The following TDRD5 variants were observed in gnomAD, a reference collection of about 807,000 sequenced individuals.
The protein encoded by TDRD5 is tudor domain containing 5, also known as tudor domain-containing protein 5.
A neutral mutation model predicts 120.6 loss-of-function variants in TDRD5; 41 were observed. That is an observed-to-expected ratio of 0.34 (90% confidence interval 0.26 to 0.44). TDRD5 has a LOEUF of 0.44. Among genes scored for constraint, TDRD5 ranks in the 20% least tolerant of loss-of-function variants. The pLI is 1.00. For synonymous variants in TDRD5, 430 were observed against 433.7 expected (o/e 0.99, Z 0.11); for missense variants, 1,006 against 1,221.2 (o/e 0.82, Z 2.63).
At position 179,663,373 on chromosome 1, in the gene TDRD5, A is replaced by T. The variant is rs1270584115; in HGVS notation, c.2531A>T (p.Asp844Val). 6.2e-7 allele frequency: 1 copy of T among 1,613,256 alleles called. No individual in the cohort carries two copies. The highest frequency in any genetic ancestry group is 2.2e-5 in the East Asian group (1 of 44,840). The change falls in exon 16 of 18, where the codon GAT becomes GTT. Residue 844 changes from aspartate (D) to valine (V), a missense_variant. This residue lies in a region of TDRD5 where 403 missense variants were observed against 448.1 expected (regional missense o/e 0.90). Coordinates refer to ENST00000444136, the MANE Select transcript of TDRD5 (RefSeq NM_001199085.3). ...QKDWCFSTPK[D>V]TWDDSWQPSG... Reference sequence around the variant, plus strand: ...GACTGGTGTTTTTCTACCCCTAAAGATACATGGGATGATTCTTGGCAGCCT... The same window carrying T: ...GACTGGTGTTTTTCTACCCCTAAAGTTACATGGGATGATTCTTGGCAGCCT...
In TDRD5 at chr1:179,635,783, C is replaced by T. The variant is rs372492694; in HGVS notation, c.1416C>T (p.Leu472=). Residue 472 remains leucine, a synonymous_variant, in exon 9 of 18, where the codon CTC becomes CTT. Transcript: ENST00000444136. The part of the protein sequence containing the change: ...CRLPPLDTSS[L]IGVFVEYIIS... ...TCCCACCATTAGACACCAGTTCCCT[C>T]ATAGGGGTCTTTGTGGAGTATATCA... is the stretch of plus-strand genomic sequence containing the variant. 1 of 1,614,050 alleles carries T rather than the reference C, an allele frequency of 6.2e-7. No individual in the cohort carries two copies. Among genetic ancestry groups the T allele is most frequent in the Non-Finnish European group, 8.5e-7 (1 of 1,180,006 alleles).
At chr1:179,680,485 T>G (rs577877766) in intron 17 of TDRD5, among the ~76,000 whole-genome samples, 2 of 152,238 alleles carry the variant, frequency 1.3e-5, no homozygotes, top group African/African-American at 4.8e-5. Context: ...AGGGTTGTTA[T>G]GCTCTCTGGA....
intron 13 of TDRD5, among the ~76,000 whole-genome samples, chr1:179,653,721 C>T (rs1416632378): frequency 6.6e-6 from 1 of 152,182 alleles, no homozygotes; most frequent in East Asian, 1.9e-4. Context: ...CTATTCCACC[C>T]TAGTCTGTAC....
chr1:179,662,269 A>G lies in TDRD5; in HGVS notation c.2488A>G (p.Lys830Glu). 1 of 1,607,076 alleles carries G rather than the reference A, an allele frequency of 6.2e-7. No individual in the cohort carries two copies. The highest frequency in any genetic ancestry group is 1.3e-5 in the African/African-American group (1 of 74,472). ...LGGKNQYSSC[K>E]EMPQKDWCFS... ...TGGAAAGAATCAGTATTCATCATGT[A>G]AAGAAATGCCACAGAAGGTTAGATC... is the stretch of plus-strand genomic sequence containing the variant. The change falls in exon 15 of 18, where the codon AAA becomes GAA. Residue 830 changes from lysine to glutamate, a missense_variant. Lys to Glu is a moderately conservative substitution (Grantham distance 56, BLOSUM62 1). Transcript: ENST00000444136.
chr1:179,680,972 A>G (rs978506648), intron 17 of TDRD5, among the ~76,000 whole-genome samples: 1 of 152,264 alleles, frequency 6.6e-6, no homozygotes, highest in African/African-American at 2.4e-5. Context: ...CAAGCATATC[A>G]ATTGTCACCT....
chr1:179,628,324 CTT>C (rs71569258), intron 6 of TDRD5, among the ~76,000 whole-genome samples: 613 of 54,560 alleles, frequency 0.011, 16 homozygotes, highest in East Asian at 0.1. Flanking sequence ...CTTTTCTTTT[CTT>C]TTTTTTTTTT....
At position 179,650,954 on chromosome 1, in the gene TDRD5, G is replaced by A; in HGVS notation, c.1888G>A (p.Gly630Arg). The part of the protein sequence containing the change: ...LVGVVDEYVD[G>R]ILNIFLCDTS... ...GGGGGTAGTGGATGAATATGTAGAT[G>A]GAATCCTTAACATTTTTTTGTGTGA... The change falls in exon 12 of 18, where the codon GGA becomes AGA. Residue 630 changes from glycine to arginine, a missense_variant. Gly to Arg is a moderately radical substitution (Grantham distance 125). Around this residue, in one of 3 missense-constraint regions of TDRD5, gnomAD observed 158 missense variants for 257.5 expected, o/e 0.61. Transcript: ENST00000444136. 1 of 1,614,128 alleles carries A rather than the reference G, an allele frequency of 6.2e-7. No individual in the cohort carries two copies. Among genetic ancestry groups the A allele is most frequent in the East Asian group, 2.2e-5 (1 of 44,874 alleles).
chr1:179,632,729 A>C (rs1328724987), intron 7 of TDRD5, among the ~76,000 whole-genome samples: 1 of 152,154 alleles, frequency 6.6e-6, no homozygotes, highest in African/African-American at 2.4e-5. Flanking sequence ...ATAGCTAATT[A>C]CCACCTGTAT....
intron 15 of TDRD5, among the ~76,000 whole-genome samples, chr1:179,662,593 A>G (rs375363594): frequency 2.0e-5 from 3 of 152,116 alleles, no homozygotes; most frequent in African/African-American, 7.2e-5. Context: ...GTAAGACCCT[A>G]TCTAAAAAAA....
intron 7 of TDRD5, among the ~76,000 whole-genome samples, chr1:179,632,714 A>G (rs889424515): frequency 2.0e-5 from 3 of 152,148 alleles, no homozygotes; most frequent in Non-Finnish European, 4.4e-5. Context: ...CCTCTTCTAT[A>G]TGGTATAGCT....
intron 11 of TDRD5, among the ~76,000 whole-genome samples, chr1:179,648,382 A>G (rs34817062): frequency 0.29 from 30,943 of 107,940 alleles, 4,630 homozygotes; most frequent in Non-Finnish European, 0.34. Flanking sequence ...TCACTCATAG[A>G]TGGGAATTGA....
At chr1:179,630,975 AAAG>A in intron 7 of TDRD5, 55 bp downstream of exon 7, 1 of 1,500,010 alleles carries the variant, frequency 6.7e-7, no homozygotes, top group Non-Finnish European at 9.0e-7. Flanking sequence ...TTATGAGGAC[AAAG>A]AGAAAACATG....
At chr1:179,636,924 T>C (rs571759991) in intron 9 of TDRD5, among the ~76,000 whole-genome samples, 112 of 152,352 alleles carry the variant, frequency 7.4e-4, no homozygotes, top group African/African-American at 2.6e-3. Context: ...AAAACTGATA[T>C]GAAAGAAATG....
chr1:179,610,825 T>C (rs1028904842), intron 4 of TDRD5, among the ~76,000 whole-genome samples: 18 of 152,128 alleles, frequency 1.2e-4, no homozygotes, highest in African/African-American at 4.3e-4. Flanking sequence ...ATTTTTTTCC[T>C]GAAAGTTTAG....
rs537491771 is a variant in TDRD5, at chr1:179,683,534, C to T, written c.2861-7162C>T. 5.3e-5 allele frequency among the ~76,000 whole-genome samples: 8 copies of T among 152,268 alleles called. No individual in the cohort carries two copies. In the East Asian group the frequency reaches 5.8e-4, roughly 11 times the overall value. On this transcript the variant is annotated intron_variant, in intron 17 of 17. Coordinates refer to ENST00000444136, the MANE Select transcript of TDRD5 (RefSeq NM_001199085.3). The stretch of plus-strand genomic sequence containing the variant: ...TTAGAATACGCTGTCAAATCCTCCT[C>T]GAACATAACTCATCACAAAAGTGTA...
chr1:179,647,696 A>G (rs930854145), intron 11 of TDRD5, among the ~76,000 whole-genome samples: 12 of 152,084 alleles, frequency 7.9e-5, no homozygotes, highest in African/African-American at 2.7e-4. Flanking sequence ...CCACCTACTC[A>G]TCTGACAAAG....
In TDRD5 at chr1:179,621,147, T is replaced by C. The variant is rs1676821946; in HGVS notation, c.972+56T>C. 3.3e-6 allele frequency: 5 copies of C among 1,504,166 alleles called. No homozygotes were observed. The African/African-American group carries it at 4.3e-5, about 13-fold the overall frequency. 93.2% of individuals were successfully genotyped at this position (1,504,166 alleles called of 1,614,324 possible). Reference sequence around the variant, plus strand: ...TTTTTATGGCTTATATTTCTTGTGATAGATGGAATTTTGTGGCTACTCCTT... The same window carrying C: ...TTTTTATGGCTTATATTTCTTGTGACAGATGGAATTTTGTGGCTACTCCTT... On this transcript the variant is annotated intron_variant, in intron 6 of 17. Coordinates refer to ENST00000444136, the MANE Select transcript of TDRD5 (RefSeq NM_001199085.3).
At chr1:179,648,852 C>T (rs930100851) in intron 11 of TDRD5, among the ~76,000 whole-genome samples, 2 of 152,154 alleles carry the variant, frequency 1.3e-5, no homozygotes, top group African/African-American at 4.8e-5. Context: ...TCAAACCCTT[C>T]GTCAGGACCC....
chr1:179,619,803 T>TAGAG (rs1402047993), intron 5 of TDRD5, among the ~76,000 whole-genome samples: 5 of 152,002 alleles, frequency 3.3e-5, no homozygotes, highest in African/African-American at 9.7e-5. Flanking sequence ...AAAAAATTTG[T>TAGAG]AGAGACAGGG....
Sources: gnomAD v4.1 joint callset for allele counts (sites outside exome capture counted in the v4.1 genomes callset) on GRCh38, gnomAD v4.1.1 for gene constraint, gnomAD v4.1.1 regional missense constraint, MANE v1.5 for transcripts, NCBI Gene and HGNC (gene_info 2026-07-23, HGNC 2026-07-21) for gene names.